Variants in XKR4 observed in about 807,000 individuals in gnomAD.
XKR4 encodes the protein XK related 4.
In XKR4, 12 loss-of-function variants were observed where a neutral mutation model predicts 53.9. The ratio of observed to expected loss-of-function variants is 0.22; its 90% CI spans 0.14 to 0.36. XKR4 has a LOEUF of 0.36. Among genes scored for constraint, XKR4 ranks in the 10% least tolerant of loss-of-function variants. XKR4 has a pLI of 1.00. For synonymous variants in XKR4, 354 were observed against 362.4 expected, an observed-to-expected ratio of 0.98 and a Z score of 0.26; for missense variants, 799 against 859.5, an observed-to-expected ratio of 0.93 and a Z score of 0.88.
At chr8:55,476,016 G>T (rs1335780073) in intron 2 of XKR4, among the ~76,000 whole-genome samples, 4 of 152,050 alleles carry the variant, frequency 2.6e-5, no homozygotes, top group Non-Finnish European at 2.9e-5. Flanking sequence ...AAAGTGCTGG[G>T]ATTACAGGTG....
At position 55,452,184 on chromosome 8, in the gene XKR4, G is replaced by A. The variant is rs1347143519; in HGVS notation, c.1007-71097G>A. 6 of 726,544 alleles carry A rather than the reference G, an allele frequency of 8.3e-6. No homozygotes were observed. The East Asian group carries it at 1.4e-4, about 17-fold the overall frequency. 45.0% of individuals were successfully genotyped at this position (726,544 alleles called of 1,614,324 possible). A position where few individuals can be genotyped will look rare whatever the true frequency, so the allele number is the denominator to read the frequency against. Reference sequence around the variant, plus strand: ...CTTGCAGAAGAGCTCGGCACTGTCAGACCCCACCTCCTCATCAAAGGCCAT... The same window carrying A: ...CTTGCAGAAGAGCTCGGCACTGTCAAACCCCACCTCCTCATCAAAGGCCAT... On this transcript the variant is annotated intron_variant, in intron 2 of 2. Coordinates refer to ENST00000327381, the MANE Select transcript of XKR4 (RefSeq NM_052898.2).
At chr8:55,132,396 T>G (rs1170874555) in intron 1 of XKR4, among the ~76,000 whole-genome samples, 2 of 152,162 alleles carry the variant, frequency 1.3e-5, no homozygotes, top group Admixed American at 1.3e-4. Context: ...TATATACTGT[T>G]TTTCCCTATA....
intron 1 of XKR4, among the ~76,000 whole-genome samples, chr8:55,168,424 G>A (rs1817100409): frequency 6.6e-6 from 1 of 152,152 alleles, no homozygotes; most frequent in African/African-American, 2.4e-5. Context: ...ATGAGAGGCT[G>A]AAGGATTATT....
chr8:55,208,923 G>A (rs183286499), intron 1 of XKR4, among the ~76,000 whole-genome samples: 1 of 152,320 alleles, frequency 6.6e-6, no homozygotes, highest in East Asian at 1.9e-4. Flanking sequence ...CCAGTGGATG[G>A]ACACATATCA....
At chr8:55,191,506 C>T (rs1361349584) in intron 1 of XKR4, among the ~76,000 whole-genome samples, 1 of 152,126 alleles carries the variant, frequency 6.6e-6, no homozygotes, top group Non-Finnish European at 1.5e-5. Context: ...CTCTAATGAT[C>T]TTCCCACTCT....
chr8:55,289,851 G>GGAAAGAAA (rs541321670), intron 1 of XKR4, among the ~76,000 whole-genome samples: 6,072 of 135,472 alleles, frequency 0.045, 215 homozygotes, highest in African/African-American at 0.092. Flanking sequence ...AAAGAAAGAA[G>GGAAAGAAA]GAAAGAAAGA....
At chr8:55,423,856 G>A (rs1199977039) in intron 2 of XKR4, among the ~76,000 whole-genome samples, 1 of 152,178 alleles carries the variant, frequency 6.6e-6, no homozygotes, top group East Asian at 1.9e-4. Flanking sequence ...AAACTCACAG[G>A]TTCTGTCTCA....
At chr8:55,225,997 A>G (rs567594045) in intron 1 of XKR4, among the ~76,000 whole-genome samples, 2 of 152,334 alleles carry the variant, frequency 1.3e-5, no homozygotes, top group African/African-American at 2.4e-5. Context: ...TCTGGCCCAG[A>G]CAACACCGTC....
At chr8:55,441,470 T>C (rs999492603) in intron 2 of XKR4, among the ~76,000 whole-genome samples, 14 of 152,258 alleles carry the variant, frequency 9.2e-5, no homozygotes, top group African/African-American at 3.1e-4. Flanking sequence ...TGAGGAAGTA[T>C]ATAGAATATT....
At chr8:55,278,782 G>A (rs1200176771) in intron 1 of XKR4, among the ~76,000 whole-genome samples, 1 of 152,146 alleles carries the variant, frequency 6.6e-6, no homozygotes, top group Non-Finnish European at 1.5e-5. Context: ...AAATTGGCCT[G>A]CACTTCTTTC....
At position 55,357,713 on chromosome 8, in the gene XKR4, G is replaced by A. The variant is rs958240949; in HGVS notation, c.842G>A (p.Arg281Gln). The change falls in exon 2 of 3, where the codon CGA (arginine) becomes CAA (glutamine). Residue 281 changes from arginine (R) to glutamine (Q), a missense_variant. Around this residue, in one of 3 missense-constraint regions of XKR4, gnomAD observed 476 missense variants for 505.4 expected, o/e 0.94. Transcript: ENST00000327381. ...FHTIYLGIRS[R>Q]QSGENDRWRF... is the part of the protein sequence containing the mutation. ...ACAATATACTTAGGTATTCGAAGCC[G>A]ACAGAGTGGGGAGAATGACAGATGG... The A allele has an allele frequency of 1.2e-5, 19 of 1,614,050 alleles. No homozygotes were observed. The highest frequency in any genetic ancestry group is 2.7e-5 in the African/African-American group (2 of 74,926).
intron 2 of XKR4, among the ~76,000 whole-genome samples, chr8:55,482,588 C>T (rs1170185754): frequency 6.6e-6 from 1 of 151,954 alleles, no homozygotes; most frequent in Non-Finnish European, 1.5e-5. Flanking sequence ...AACACAACTG[C>T]AAACCTGAAT....
intron 2 of XKR4, among the ~76,000 whole-genome samples, chr8:55,469,700 C>A (rs988911542): frequency 1.3e-5 from 2 of 152,052 alleles, no homozygotes; most frequent in Non-Finnish European, 2.9e-5. Context: ...TGTACGGAAT[C>A]TTGGGAGGCT....
At chr8:55,414,945 G>T (rs148462268) in intron 2 of XKR4, among the ~76,000 whole-genome samples, 62 of 152,230 alleles carry the variant, frequency 4.1e-4, no homozygotes, top group African/African-American at 1.5e-3. Flanking sequence ...TCCAGACCAG[G>T]CCTTTAATTT....
At chr8:55,376,013 A>G (rs62519121) in intron 2 of XKR4, among the ~76,000 whole-genome samples, 2 of 152,156 alleles carry the variant, frequency 1.3e-5, no homozygotes, top group Non-Finnish European at 2.9e-5. Flanking sequence ...GTTTGTTGAG[A>G]ATAATGGCTT....
At chr8:55,392,150 G>A (rs1221565161) in intron 2 of XKR4, among the ~76,000 whole-genome samples, 1 of 152,114 alleles carries the variant, frequency 6.6e-6, no homozygotes, top group Non-Finnish European at 1.5e-5. Flanking sequence ...GTTTTGTATG[G>A]ATGTCCTCTA....
At chr8:55,459,613 G>A (rs1448162913) in intron 2 of XKR4, among the ~76,000 whole-genome samples, 1 of 151,892 alleles carries the variant, frequency 6.6e-6, no homozygotes, top group Middle Eastern at 3.2e-3. Flanking sequence ...TAGATAAAAT[G>A]TTTGAACAGA....
At chr8:55,176,434 T>G (rs1221450893) in intron 1 of XKR4, among the ~76,000 whole-genome samples, 1 of 152,202 alleles carries the variant, frequency 6.6e-6, no homozygotes, top group Non-Finnish European at 1.5e-5. Context: ...CTCACATGGC[T>G]GGGCACTGGG....
At chr8:55,440,265 A>G (rs971863730) in intron 2 of XKR4, among the ~76,000 whole-genome samples, 5 of 152,212 alleles carry the variant, frequency 3.3e-5, no homozygotes, top group African/African-American at 1.2e-4. Flanking sequence ...TGATTCTATA[A>G]AAAAGGTAGA....
Sources: gnomAD v4.1 joint callset for allele counts (sites outside exome capture counted in the v4.1 genomes callset) on GRCh38, gnomAD v4.1.1 for gene constraint, gnomAD v4.1.1 regional missense constraint, MANE v1.5 for transcripts, NCBI Gene and HGNC (gene_info 2026-07-23, HGNC 2026-07-21) for gene names.